The following SLIT3 variants were observed in gnomAD, a reference collection of about 807,000 sequenced individuals.
SLIT3 encodes slit guidance ligand 3.
Under a neutral mutation model 184.0 loss-of-function variants are expected in SLIT3, and 68 were observed. The ratio of observed to expected loss-of-function variants is 0.37; its 90% CI spans 0.30 to 0.45. The LOEUF is 0.45. Ranked by LOEUF, SLIT3 falls within the 20% of genes least tolerant of loss-of-function variation. SLIT3 has a pLI of 1.00. For synonymous variants in SLIT3, 831 were observed against 828.6 expected (o/e 1.00, Z -0.05); for missense variants, 1,707 against 2,026.0 (o/e 0.84, Z 3.02).
intron 11 of SLIT3, among the ~76,000 whole-genome samples, chr5:168,787,846 T>C (rs556723669): frequency 6.6e-6 from 1 of 152,106 alleles, no homozygotes; most frequent in Non-Finnish European, 1.5e-5. Context: ...TGAGCTGGGA[T>C]TGTGTGTGCT....
chr5:169,039,127 C>T (rs1464145457), intron 4 of SLIT3, among the ~76,000 whole-genome samples: 1 of 151,766 alleles, frequency 6.6e-6, no homozygotes, highest in Non-Finnish European at 1.5e-5. Context: ...TATACATGTG[C>T]CATATTGTAG....
intron 6 of SLIT3, among the ~76,000 whole-genome samples, chr5:168,835,763 A>G (rs545588787): frequency 4.6e-5 from 7 of 151,118 alleles, no homozygotes; most frequent in Non-Finnish European, 8.8e-5. Flanking sequence ...GTGAGCCCAG[A>G]TTCCACCACT....
chr5:168,767,546 G>T (rs2113521512), intron 14 of SLIT3, among the ~76,000 whole-genome samples: 1 of 152,344 alleles, frequency 6.6e-6, no homozygotes, highest in South Asian at 2.1e-4. Context: ...CAAGGAAACA[G>T]ACTGGACTTT....
chr5:168,696,421 G>A lies in SLIT3; in HGVS notation c.2953C>T (p.Pro985Ser), dbSNP rs1218769501. The A allele has an allele frequency of 1.2e-6, 2 of 1,614,156 alleles. No individual in the cohort carries two copies. Among genetic ancestry groups the A allele is most frequent in the East Asian group, 4.5e-5 (2 of 44,874 alleles). ...SHKDGFSCSC[P>S]LGFEGQRCEI... is the part of the protein sequence containing the mutation. Reference sequence around the variant, plus strand: ...CACCGCTGCCCCTCAAAGCCCAGAGGGCAGGAGCAGCTTTGGGATGTGAGG... The same window carrying A: ...CACCGCTGCCCCTCAAAGCCCAGAGAGCAGGAGCAGCTTTGGGATGTGAGG... The change falls in exon 28 of 36, where the codon CCT becomes TCT. Residue 985 changes from proline to serine, a missense_variant. Around this residue, in one of 3 missense-constraint regions of SLIT3, gnomAD observed 1,307 missense variants for 1,511.6 expected, o/e 0.86. Coordinates refer to ENST00000519560, the MANE Select transcript of SLIT3 (RefSeq NM_003062.4).
chr5:169,152,513 G>A (rs1721365230), intron 4 of SLIT3, among the ~76,000 whole-genome samples: 1 of 152,178 alleles, frequency 6.6e-6, no homozygotes, highest in African/African-American at 2.4e-5. Context: ...AAGTGTCTGG[G>A]CACCGCCTCG....
chr5:169,044,425 G>C (rs960848035), intron 4 of SLIT3, among the ~76,000 whole-genome samples: 1 of 152,134 alleles, frequency 6.6e-6, no homozygotes, highest in Non-Finnish European at 1.5e-5. Context: ...ATGAAGTATC[G>C]ATACATGCTG....
intron 12 of SLIT3, among the ~76,000 whole-genome samples, chr5:168,782,019 CAATA>C (rs1646185405): frequency 6.6e-6 from 1 of 152,126 alleles, no homozygotes; most frequent in South Asian, 2.1e-4. Context: ...ATTAAGTATT[CAATA>C]AATGTTAGCT....
chr5:169,096,230 G>C (rs1211328701), intron 4 of SLIT3, among the ~76,000 whole-genome samples: 1 of 152,228 alleles, frequency 6.6e-6, no homozygotes, highest in Admixed American at 6.5e-5. Flanking sequence ...CACAGTGTAA[G>C]TATAGCATTC....
intron 5 of SLIT3, among the ~76,000 whole-genome samples, chr5:168,859,899 C>T (rs1759039627): frequency 6.6e-6 from 1 of 152,134 alleles, no homozygotes; most frequent in Non-Finnish European, 1.5e-5. Context: ...ATTTTCTGAG[C>T]CCTGATTACC....
intron 4 of SLIT3, among the ~76,000 whole-genome samples, chr5:169,060,390 T>TCAAACAAACAAA (rs35858529): frequency 8.6e-5 from 13 of 151,054 alleles, no homozygotes; most frequent in African/African-American, 3.2e-4. Flanking sequence ...AGACTCCATC[T>TCAAACAAACAAA]CAAACAAACA....
At chr5:169,118,223 A>G (rs1760761348) in intron 4 of SLIT3, among the ~76,000 whole-genome samples, 1 of 152,232 alleles carries the variant, frequency 6.6e-6, no homozygotes, top group Admixed American at 6.5e-5. Context: ...CACATTTGCA[A>G]TGCCTACATA....
intron 5 of SLIT3, among the ~76,000 whole-genome samples, chr5:168,882,278 C>T (rs1037875693): frequency 1.3e-5 from 2 of 152,166 alleles, no homozygotes; most frequent in African/African-American, 4.8e-5. Flanking sequence ...TTCCCTACCC[C>T]TCTCCAAAAG....
intron 7 of SLIT3, 104 bp from the exon 8 acceptor site, chr5:168,817,567 T>C: frequency 1.8e-6 from 2 of 1,114,946 alleles, no homozygotes; most frequent in Non-Finnish European, 1.3e-6. Flanking sequence ...CTTTCTCCAG[T>C]GTGAAAATCC....
chr5:168,854,925 T>C (rs1410122881), intron 5 of SLIT3, among the ~76,000 whole-genome samples: 4 of 152,174 alleles, frequency 2.6e-5, no homozygotes, highest in Non-Finnish European at 4.4e-5. Context: ...AAAAGGAGCA[T>C]CAAAACTCAG....
intron 14 of SLIT3, among the ~76,000 whole-genome samples, chr5:168,767,712 T>G (rs1332546861): frequency 6.6e-6 from 1 of 152,090 alleles, no homozygotes; most frequent in Non-Finnish European, 1.5e-5. Context: ...ATAAAGGTGG[T>G]GGTGGGAGGG....
intron 4 of SLIT3, among the ~76,000 whole-genome samples, chr5:169,133,838 T>C (rs1761395315): frequency 6.6e-6 from 1 of 152,182 alleles, no homozygotes. Context: ...CTCACATACT[T>C]TCCCATAATT....
At chr5:169,118,403 G>A (rs1760768136) in intron 4 of SLIT3, among the ~76,000 whole-genome samples, 1 of 152,168 alleles carries the variant, frequency 6.6e-6, no homozygotes, top group African/African-American at 2.4e-5. Flanking sequence ...GACACTGGCT[G>A]AAGGTGCCTC....
At chr5:168,837,832 T>C (rs749188730) in intron 6 of SLIT3, among the ~76,000 whole-genome samples, 4 of 152,196 alleles carry the variant, frequency 2.6e-5, no homozygotes, top group Non-Finnish European at 4.4e-5. Context: ...ATTCTCAGGG[T>C]TGGGAATTAC....
intron 27 of SLIT3, among the ~76,000 whole-genome samples, chr5:168,699,157 C>T (rs191338750): frequency 9.8e-4 from 149 of 152,318 alleles, no homozygotes; most frequent in African/African-American, 3.2e-3. Context: ...TGACTCCAGG[C>T]AGGAAAAGGA....
Sources: allele counts gnomAD v4.1 joint callset (sites outside exome capture counted in the v4.1 genomes callset), GRCh38; gene constraint gnomAD v4.1.1; regional missense constraint gnomAD v4.1.1; transcripts MANE v1.5; gene names NCBI Gene and HGNC (gene_info 2026-07-23, HGNC 2026-07-21).